ALK: variants seen among roughly 807,000 people sequenced by gnomAD.
ALK encodes ALK tyrosine kinase receptor.
Under a neutral mutation model 163.1 loss-of-function variants are expected in ALK, and 74 were observed. That is an observed-to-expected ratio of 0.45 (90% confidence interval 0.38 to 0.55). ALK has a LOEUF of 0.55. Among genes scored for constraint, ALK ranks in the 20% least tolerant of loss-of-function variants. The pLI is 0.00. For synonymous variants in ALK, 960 were observed against 843.2 expected (o/e 1.14, Z -2.40); for missense variants, 2,063 against 2,105.3 (o/e 0.98, Z 0.39).
At chr2:29,314,206 G>A (rs1341210095) in intron 8 of ALK, among the ~76,000 whole-genome samples, 1 of 152,136 alleles carries the variant, frequency 6.6e-6, no homozygotes, top group Non-Finnish European at 1.5e-5. Flanking sequence ...TTTGAGAAGG[G>A]CTTCAGGGAT....
At chr2:29,646,524 C>T (rs1386485453) in intron 3 of ALK, among the ~76,000 whole-genome samples, 17 of 152,140 alleles carry the variant, frequency 1.1e-4, no homozygotes, top group Admixed American at 1.1e-3. Context: ...AGCCAAAGTC[C>T]TTATGATGTT....
chr2:29,811,829 T>C (rs1664768695), intron 1 of ALK, among the ~76,000 whole-genome samples: 1 of 152,122 alleles, frequency 6.6e-6, no homozygotes, highest in Non-Finnish European at 1.5e-5. Context: ...ATGTCCAGAG[T>C]AATGCATTGG....
At chr2:29,268,385 G>A (rs1045183692) in intron 11 of ALK, among the ~76,000 whole-genome samples, 7 of 152,208 alleles carry the variant, frequency 4.6e-5, no homozygotes, top group African/African-American at 1.7e-4. Context: ...TGGTTCTAGA[G>A]GTGATCAGAA....
intron 1 of ALK, among the ~76,000 whole-genome samples, chr2:29,736,429 A>G (rs928323135): frequency 6.6e-6 from 1 of 151,984 alleles, no homozygotes. Context: ...AGCCATGTTC[A>G]TGCCAAATTA....
chr2:29,451,537 G>A (rs1214867995), intron 4 of ALK, among the ~76,000 whole-genome samples: 1 of 151,990 alleles, frequency 6.6e-6, no homozygotes, highest in Non-Finnish European at 1.5e-5. Flanking sequence ...TGCTGTCTTC[G>A]AAAACCTCAG....
intron 1 of ALK, among the ~76,000 whole-genome samples, chr2:29,795,337 G>A (rs1218717868): frequency 6.6e-6 from 1 of 152,170 alleles, no homozygotes; most frequent in Non-Finnish European, 1.5e-5. Flanking sequence ...AGTGTTGCGT[G>A]AGATAAGCAT....
intron 2 of ALK, among the ~76,000 whole-genome samples, chr2:29,716,987 C>A (rs1679274912): frequency 1.4e-5 from 1 of 69,676 alleles, no homozygotes; most frequent in African/African-American, 6.9e-5. Context: ...CCCGTGTCTA[C>A]CAAAAATCCA....
intron 8 of ALK, among the ~76,000 whole-genome samples, chr2:29,304,798 C>A (rs577044152): frequency 6.6e-6 from 1 of 152,312 alleles, no homozygotes; most frequent in South Asian, 2.1e-4. Context: ...GTGATAATAA[C>A]CACCACCCCT....
At chr2:29,665,010 T>C (rs958118058) in intron 3 of ALK, among the ~76,000 whole-genome samples, 19 of 150,556 alleles carry the variant, frequency 1.3e-4, no homozygotes, top group Non-Finnish European at 1.6e-4. Context: ...TTTCTTTTTT[T>C]TTTTTTTTGA....
intron 3 of ALK, among the ~76,000 whole-genome samples, chr2:29,630,775 C>T (rs1371498818): frequency 1.3e-5 from 2 of 151,924 alleles, no homozygotes; most frequent in South Asian, 4.1e-4. Context: ...CTTTGAGGAA[C>T]TTTGGTATTT....
intron 3 of ALK, among the ~76,000 whole-genome samples, chr2:29,652,342 G>A (rs116016471): frequency 0.04 from 6,097 of 152,122 alleles, 186 homozygotes; most frequent in Non-Finnish European, 0.058. Flanking sequence ...AAGGAGTAAC[G>A]AGTTCTCTTT....
intron 9 of ALK, among the ~76,000 whole-genome samples, chr2:29,292,628 TG>T (rs1666062200): frequency 6.6e-6 from 1 of 152,222 alleles, no homozygotes; most frequent in African/African-American, 2.4e-5. Flanking sequence ...GAATTGGTGT[TG>T]TCCTTCAAAA....
At chr2:29,824,695 A>G (rs1158660432) in intron 1 of ALK, among the ~76,000 whole-genome samples, 1 of 150,776 alleles carries the variant, frequency 6.6e-6, no homozygotes, top group Non-Finnish European at 1.5e-5. Context: ...TATTTACCCA[A>G]TGCCTGTACC....
intron 1 of ALK, among the ~76,000 whole-genome samples, chr2:29,797,832 C>T (rs898016600): frequency 6.6e-6 from 1 of 151,318 alleles, no homozygotes; most frequent in African/African-American, 2.4e-5. Context: ...TTACTTTCAC[C>T]AAAGCACTAT....
intron 3 of ALK, among the ~76,000 whole-genome samples, chr2:29,580,486 C>T (rs1055723385): frequency 6.6e-5 from 10 of 152,216 alleles, no homozygotes; most frequent in African/African-American, 2.4e-4. Context: ...CCACAGCACA[C>T]GTCTCCGGTT....
intron 9 of ALK, among the ~76,000 whole-genome samples, chr2:29,287,865 C>A (rs1351391941): frequency 6.6e-6 from 1 of 151,974 alleles, no homozygotes. Context: ...GGCCACCCAC[C>A]AACCAGCATG....
At chr2:29,776,424 C>T (rs116028393) in intron 1 of ALK, among the ~76,000 whole-genome samples, 830 of 24,126 alleles carry the variant, frequency 0.034, 12 homozygotes, top group Middle Eastern at 0.17. Flanking sequence ...CAGTGGCAGA[C>T]GATAGTTTGA....
At chr2:29,676,667 G>A (rs2339526) in intron 3 of ALK, among the ~76,000 whole-genome samples, 118,321 of 151,854 alleles carry the variant, frequency 0.78, 46,354 homozygotes, top group South Asian at 0.85. Context: ...TTTAAGTTAC[G>A]AAATAAAAAA....
chr2:29,634,222 C>G (rs751147557), intron 3 of ALK, among the ~76,000 whole-genome samples: 40 of 151,858 alleles, frequency 2.6e-4, no homozygotes, highest in Non-Finnish European at 5.7e-4. Context: ...CTCACCCTCT[C>G]GAATAGCTAG....
Sources: allele counts gnomAD v4.1 joint callset (sites outside exome capture counted in the v4.1 genomes callset), GRCh38; gene constraint gnomAD v4.1.1; transcripts MANE v1.5; gene names NCBI Gene and HGNC (gene_info 2026-07-23, HGNC 2026-07-21).